Variants in POU2F1 observed in about 807,000 individuals in gnomAD.
POU2F1 encodes POU domain, class 2, transcription factor 1.
POU2F1 carries 16 observed loss-of-function variants against 84.9 expected under a neutral mutation model. The observed-to-expected ratio is 0.19, with a 90% CI of 0.13 to 0.29. The LOEUF is 0.29. POU2F1 is among the 10% of genes least tolerant of loss of function. The pLI, the probability that POU2F1 is intolerant of heterozygous loss-of-function variation, is 1.00. For synonymous variants in POU2F1, 368 were observed against 368.3 expected, an observed-to-expected ratio of 1.00 and a Z score of 0.01; for missense variants, 738 against 942.6, an observed-to-expected ratio of 0.78 and a Z score of 2.84.
At chr1:167,238,840 A>G (rs994654939) in intron 1 of POU2F1, among the ~76,000 whole-genome samples, 14 of 152,196 alleles carry the variant, frequency 9.2e-5, no homozygotes, top group African/African-American at 1.4e-4. Context: ...GTTGGTGCAC[A>G]TCATTGAAGG....
intron 1 of POU2F1, among the ~76,000 whole-genome samples, chr1:167,332,114 G>A (rs1053948583): frequency 6.6e-6 from 1 of 151,950 alleles, no homozygotes; most frequent in African/African-American, 2.4e-5. Context: ...ATTATGTGAG[G>A]TGCTTCCCCC....
At chr1:167,333,681 C>T (rs1237731381) in intron 2 of POU2F1, among the ~76,000 whole-genome samples, 2 of 152,200 alleles carry the variant, frequency 1.3e-5, no homozygotes, top group African/African-American at 4.8e-5. Flanking sequence ...TTGTATTTAA[C>T]ACACTTCATA....
In POU2F1 at chr1:167,254,449, G is replaced by A. The variant is rs540698545; in HGVS notation, c.61+33491G>A. 3.3e-5 allele frequency among the ~76,000 whole-genome samples: 5 copies of A among 152,350 alleles called. No homozygotes were observed. In the South Asian group the frequency reaches 1.0e-3, roughly 32 times the overall value. ...AATATTCATTAAATTGAATTTTGAT[G>A]TAGGGATAATTCTGTTTCTTTGTGT... is the stretch of plus-strand genomic sequence containing the variant. On this transcript the variant is annotated intron_variant, in intron 1 of 15. Transcript: ENST00000367866.
intron 1 of POU2F1, among the ~76,000 whole-genome samples, chr1:167,244,125 C>T (rs527644620): frequency 3.0e-4 from 45 of 152,196 alleles, no homozygotes; most frequent in South Asian, 2.3e-3. Context: ...ATGGCTGGAG[C>T]GGTGTGAGAA....
chr1:167,237,773 T>TATATATATATATA (rs1491447077), intron 1 of POU2F1, among the ~76,000 whole-genome samples: 5 of 50,892 alleles, frequency 9.8e-5, no homozygotes, highest in Admixed American at 2.8e-4. Context: ...TATATATATA[T>TATATATATATATA]TTTTTTTTTT....
chr1:167,270,819 A>G (rs991718823), intron 1 of POU2F1, among the ~76,000 whole-genome samples: 3 of 152,118 alleles, frequency 2.0e-5, no homozygotes, highest in Admixed American at 6.6e-5. Context: ...GTGAAATTTC[A>G]TTCTCTGTTG....
chr1:167,362,421 G>A (rs1295637318), intron 2 of POU2F1, among the ~76,000 whole-genome samples: 1 of 152,214 alleles, frequency 6.6e-6, no homozygotes, highest in African/African-American at 2.4e-5. Flanking sequence ...AGGTCCTAGA[G>A]ACAGGAGGCA....
At chr1:167,319,787 G>A (rs925624759) in intron 1 of POU2F1, among the ~76,000 whole-genome samples, 2 of 152,042 alleles carry the variant, frequency 1.3e-5, no homozygotes, top group Admixed American at 1.3e-4. Context: ...GGGAATATGG[G>A]TGGTGACATC....
chr1:167,398,571 T>G (rs1164986611), intron 11 of POU2F1, among the ~76,000 whole-genome samples: 2 of 152,182 alleles, frequency 1.3e-5, no homozygotes, highest in African/African-American at 4.8e-5. Context: ...AATAGTAGTT[T>G]GGGACTGGAA....
intron 1 of POU2F1, among the ~76,000 whole-genome samples, chr1:167,294,021 C>T (rs1654108141): frequency 6.6e-6 from 1 of 151,782 alleles, no homozygotes; most frequent in Admixed American, 6.6e-5. Context: ...CCTTGGAAAA[C>T]CTCTTCTGAC....
intron 13 of POU2F1, among the ~76,000 whole-genome samples, chr1:167,404,734 C>G (rs1470590496): frequency 1.3e-5 from 2 of 152,152 alleles, no homozygotes; most frequent in African/African-American, 4.8e-5. Flanking sequence ...AGCTGGGACT[C>G]TCTGTGAGGC....
At chr1:167,283,168 T>C (rs1367684810) in intron 1 of POU2F1, among the ~76,000 whole-genome samples, 3 of 152,198 alleles carry the variant, frequency 2.0e-5, no homozygotes, top group East Asian at 1.9e-4. Flanking sequence ...CTAAATCTTA[T>C]CAACTTAAAG....
intron 1 of POU2F1, among the ~76,000 whole-genome samples, chr1:167,251,389 A>T (rs1217729603): frequency 1.3e-5 from 2 of 151,852 alleles, no homozygotes; most frequent in Non-Finnish European, 2.9e-5. Flanking sequence ...ACAGAGGGAG[A>T]CCTTGTCATA....
intron 1 of POU2F1, among the ~76,000 whole-genome samples, chr1:167,235,895 AG>A (rs1649413186): frequency 6.6e-6 from 1 of 152,232 alleles, no homozygotes; most frequent in Non-Finnish European, 1.5e-5. Context: ...CCAAAATAGT[AG>A]TCTCCCATAA....
intron 13 of POU2F1, among the ~76,000 whole-genome samples, chr1:167,405,232 C>G (rs554301942): frequency 6.6e-6 from 1 of 152,090 alleles, no homozygotes; most frequent in Non-Finnish European, 1.5e-5. Context: ...ATTGTTGATT[C>G]CTCAGGAAGA....
Position 167,422,829 on chromosome 1 carries a change from G to T in POU2F1, c.*7019G>T, listed in dbSNP as rs1205313186. 1 of 152,174 alleles carries T rather than the reference G, an allele frequency of 6.6e-6. No homozygotes were observed. Among genetic ancestry groups the T allele is most frequent in the Non-Finnish European group, 1.5e-5 (1 of 68,016 alleles). 9.4% of individuals were successfully genotyped at this position (152,174 alleles called of 1,614,324 possible). A position where few individuals can be genotyped will look rare whatever the true frequency, so the allele number is the denominator to read the frequency against. On this transcript the variant is annotated 3_prime_UTR_variant, in exon 16 of 16. Coordinates refer to ENST00000367866, the MANE Select transcript of POU2F1 (RefSeq NM_002697.4). ...AATAGGAGCAAAAAGCCAAAATTTG[G>T]AAAAGCTTTACTTTATCTCTTTCCT...
Position 167,337,698 on chromosome 1 carries a change from A to G in POU2F1, c.127+5163A>G, listed in dbSNP as rs551826617. On this transcript the variant is annotated intron_variant, in intron 2 of 15. Coordinates refer to ENST00000367866, the MANE Select transcript of POU2F1 (RefSeq NM_002697.4). The stretch of plus-strand genomic sequence containing the variant: ...ACCCTCACCCCACCCCCTGCAAAAA[A>G]AAAAAAAAGATAAGACAAAAGAAGG... 5.4e-3 allele frequency among the ~76,000 whole-genome samples: 820 copies of G among 152,160 alleles called. 13 individuals carry two copies. The highest frequency in any genetic ancestry group is 0.019 in the African/African-American group (773 of 41,492).
intron 1 of POU2F1, among the ~76,000 whole-genome samples, chr1:167,314,448 T>TA (rs1655734312): frequency 6.6e-6 from 1 of 152,190 alleles, no homozygotes; most frequent in Non-Finnish European, 1.5e-5. Flanking sequence ...TGTAAAGTGT[T>TA]ACAGGTATTC....
chr1:167,409,562 G>T (rs778875281), intron 13 of POU2F1, among the ~76,000 whole-genome samples: 13 of 152,150 alleles, frequency 8.5e-5, no homozygotes, highest in Non-Finnish European at 1.6e-4. Flanking sequence ...ATTTTAAGTT[G>T]TTATACCATA....
Sources: allele counts gnomAD v4.1 joint callset (sites outside exome capture counted in the v4.1 genomes callset), GRCh38; gene constraint gnomAD v4.1.1; transcripts MANE v1.5; gene names NCBI Gene and HGNC (gene_info 2026-07-23, HGNC 2026-07-21).